DOT1L: variants seen among roughly 807,000 people sequenced by gnomAD.
DOT1L encodes histone-lysine N-methyltransferase, H3 lysine-79 specific.
DOT1L carries 33 observed loss-of-function variants against 153.3 expected under a neutral mutation model. The observed-to-expected ratio is 0.22, with a 90% CI of 0.16 to 0.29. The LOEUF (loss-of-function observed/expected upper bound fraction) is 0.29. DOT1L is among the 10% of genes least tolerant of loss of function. The pLI, the probability that DOT1L is intolerant of heterozygous loss-of-function variation, is 1.00. For synonymous variants in DOT1L, 1,135 were observed against 965.1 expected, an observed-to-expected ratio of 1.18 and a Z score of -3.26; for missense variants, 1,847 against 2,119.9, an observed-to-expected ratio of 0.87 and a Z score of 2.53.
In DOT1L at chr19:2,222,098, A is replaced by G; in HGVS notation, c.2929A>G (p.Thr977Ala). 6.2e-7 allele frequency: 1 copy of G among 1,613,018 alleles called. No homozygotes were observed. The highest frequency in any genetic ancestry group is 1.1e-5 in the South Asian group (1 of 91,052). The stretch of plus-strand genomic sequence containing the variant: ...CTCCAGCTCTGGGAGCCTTTTTGCC[A>G]CCGTGGGGTCCCGCAGCTCCACGCC... Reference protein sequence around the residue: ...ESSSSGSLFATVGSRSSTPQH... With the variant: ...ESSSSGSLFAAVGSRSSTPQH... Residue 977 changes from threonine (T) to alanine (A), a missense_variant, in exon 24 of 28, where the codon ACC becomes GCC. This residue lies in a region of DOT1L where 934 missense variants were observed against 825.3 expected (regional missense o/e 1.13). Coordinates refer to ENST00000398665, the MANE Select transcript of DOT1L (RefSeq NM_032482.3). This position sits in a 1 kb window ranked among gnomAD's most constrained non-coding sequence, Gnocchi z 6.5.
At chr19:2,166,985 G>A (rs2019946418) in intron 1 of DOT1L, among the ~76,000 whole-genome samples, 1 of 152,176 alleles carries the variant, frequency 6.6e-6, no homozygotes, top group Admixed American at 6.6e-5. Context: ...GGTCCTGGTG[G>A]CTTTCAGGCG....
chr19:2,227,736 G>T, intron 27 of DOT1L: 1 of 1,315,444 alleles, frequency 7.6e-7, no homozygotes, highest in Non-Finnish European at 1.0e-6. Flanking sequence ...CCTATTTGCA[G>T]GTGTCTTTAA....
chr19:2,228,127 C>G (rs773606769), intron 27 of DOT1L: 2 of 1,363,488 alleles, frequency 1.5e-6, no homozygotes, highest in South Asian at 2.3e-5. Flanking sequence ...GCCTCTCTGC[C>G]GCCTGCTAAC....
intron 8 of DOT1L, 68 bp downstream of exon 8, chr19:2,200,007 C>A: frequency 6.3e-7 from 1 of 1,581,162 alleles, no homozygotes; most frequent in South Asian, 1.1e-5. Flanking sequence ...GGCCATGGCA[C>A]CGGGGACCGG....
intron 25 of DOT1L, among the ~76,000 whole-genome samples, chr19:2,225,141 T>G (rs568325625): frequency 6.6e-6 from 1 of 152,326 alleles, no homozygotes; most frequent in Non-Finnish European, 1.5e-5. Flanking sequence ...ATCTCTTGGC[T>G]GCTTGTCCCA....
At chr19:2,189,689 G>A (rs1043460223) in intron 3 of DOT1L, 43 bp from the exon 4 acceptor site, 1 of 1,603,306 alleles carries the variant, frequency 6.2e-7, no homozygotes, top group Non-Finnish European at 8.5e-7. Context: ...GCATGCGGCT[G>A]GCTCCTGCCC....
At chr19:2,170,969 CTCAT>C (rs2021589982) in intron 1 of DOT1L, among the ~76,000 whole-genome samples, 1 of 152,052 alleles carries the variant, frequency 6.6e-6, no homozygotes, top group Non-Finnish European at 1.5e-5. Flanking sequence ...TGTTGTTTCT[CTCAT>C]TATTTTTGGG....
intron 1 of DOT1L, chr19:2,164,495 C>A (rs936236091): frequency 3.1e-6 from 1 of 317,630 alleles, no homozygotes; most frequent in Admixed American, 5.0e-5. Flanking sequence ...GCCGGCGCCC[C>A]CGAGCCCTAC....
At chr19:2,228,415 C>T in intron 27 of DOT1L, 1 of 1,250,748 alleles carries the variant, frequency 8.0e-7, no homozygotes, top group South Asian at 1.4e-5. Context: ...TGGCTCACTC[C>T]AGACACTGAA....
At chr19:2,196,566 C>A (rs547366199) in intron 7 of DOT1L, among the ~76,000 whole-genome samples, 1 of 152,144 alleles carries the variant, frequency 6.6e-6, no homozygotes, top group Non-Finnish European at 1.5e-5. Flanking sequence ...TTCCTGACCT[C>A]GTGATCCGCC....
At chr19:2,187,277 T>C (rs2240128) in intron 3 of DOT1L, among the ~76,000 whole-genome samples, 21,806 of 152,276 alleles carry the variant, frequency 0.14, 1,706 homozygotes, top group East Asian at 0.24. Flanking sequence ...GGGGCAGTTA[T>C]GGCACCTCAC....
chr19:2,230,748 G>T lies in DOT1L; in HGVS notation c.*956G>T. On this transcript the variant is annotated 3_prime_UTR_variant, in exon 28 of 28. Transcript: ENST00000398665. ...AGTGAAGAGGAAAGAAAAGCGAGGG[G>T]AAAAAACCTTATTTATTCAAACAGT... 1 of 397,398 alleles carries T rather than the reference G, an allele frequency of 2.5e-6. No individual in the cohort carries two copies. Among genetic ancestry groups the T allele is most frequent in the Non-Finnish European group, 4.4e-6 (1 of 225,838 alleles). The allele number at this position is 397,398 out of a possible 1,614,324, so 24.6% of individuals were successfully genotyped here. A position where few individuals can be genotyped will look rare whatever the true frequency, so the allele number is the denominator to read the frequency against.
chr19:2,209,721 C>T (rs2023640004), intron 12 of DOT1L, among the ~76,000 whole-genome samples: 1 of 152,232 alleles, frequency 6.6e-6, no homozygotes, highest in South Asian at 2.1e-4. Context: ...GCGTCCTTTC[C>T]TTTTGGAGGG....
intron 27 of DOT1L, 189 bp downstream of exon 27, chr19:2,227,316 G>A (rs1385570726): frequency 3.8e-6 from 3 of 799,124 alleles, no homozygotes; most frequent in African/African-American, 1.7e-5. Context: ...CGCTGAGTCC[G>A]TGTGTCTTGG....
intron 1 of DOT1L, among the ~76,000 whole-genome samples, chr19:2,178,266 A>G (rs1599541071): frequency 7.6e-6 from 1 of 131,474 alleles, no homozygotes. Context: ...TTTTGTAGAG[A>G]TGGCGTTTCA....
At chr19:2,202,802 C>A in intron 9 of DOT1L, 23 bp downstream of exon 9, 1 of 1,613,764 alleles carries the variant, frequency 6.2e-7, no homozygotes, top group South Asian at 1.1e-5. Flanking sequence ...CCTCGCCGGT[C>A]TGTGCTGGTG....
At chr19:2,205,384 A>G (rs2023452987) in intron 9 of DOT1L, among the ~76,000 whole-genome samples, 1 of 152,206 alleles carries the variant, frequency 6.6e-6, no homozygotes, top group Non-Finnish European at 1.5e-5. Context: ...AGCACACACA[A>G]GATGCCCCAT....
chr19:2,211,942 G>A, intron 16 of DOT1L, 100 bp downstream of exon 16: 1 of 1,077,452 alleles, frequency 9.3e-7, no homozygotes, highest in Non-Finnish European at 1.3e-6. Context: ...TGGAGCGCAG[G>A]CCTGAGTGGG....
At chr19:2,186,224 G>A (rs752789642) in intron 3 of DOT1L, among the ~76,000 whole-genome samples, 2 of 152,262 alleles carry the variant, frequency 1.3e-5, no homozygotes, top group African/African-American at 2.4e-5. Context: ...GGCGGCTGAC[G>A]GCCAGAAGTC....
Sources: gnomAD v4.1 joint callset for allele counts (sites outside exome capture counted in the v4.1 genomes callset) on GRCh38, gnomAD v4.1.1 for gene constraint, gnomAD v4.1.1 regional missense constraint, Gnocchi (gnomAD v3.1) non-coding constraint, MANE v1.5 for transcripts, NCBI Gene and HGNC (gene_info 2026-07-23, HGNC 2026-07-21) for gene names.